The following MAST2 variants were observed in gnomAD, a reference collection of about 807,000 sequenced individuals.
The protein encoded by MAST2 is microtubule associated serine/threonine kinase 2.
In MAST2, 70 loss-of-function variants were observed where a neutral mutation model predicts 147.4. That is an observed-to-expected ratio of 0.47 (90% CI 0.39 to 0.58). The LOEUF (loss-of-function observed/expected upper bound fraction) is 0.58. Ranked by LOEUF, MAST2 falls within the 20% of genes least tolerant of loss-of-function variation. MAST2 has a pLI of 0.00. For synonymous variants in MAST2, 869 were observed against 896.8 expected, an observed-to-expected ratio of 0.97 and a Z score of 0.55; for missense variants, 2,080 against 2,302.3, an observed-to-expected ratio of 0.90 and a Z score of 1.98.
chr1:45,851,547 C>T (rs61783205), intron 3 of MAST2, among the ~76,000 whole-genome samples: 8,157 of 152,206 alleles, frequency 0.054, 318 homozygotes, highest in Middle Eastern at 0.085. Flanking sequence ...TGTTCCAGTT[C>T]TCAAGAGGAA....
intron 6 of MAST2, among the ~76,000 whole-genome samples, chr1:45,999,437 C>G (rs149356581): frequency 2.0e-5 from 3 of 152,158 alleles, no homozygotes; most frequent in African/African-American, 4.8e-5. Context: ...AGAGTAGGTA[C>G]GAGCTGGGAC....
intron 4 of MAST2, among the ~76,000 whole-genome samples, chr1:45,926,783 A>G (rs1399385167): frequency 6.6e-6 from 1 of 152,108 alleles, no homozygotes; most frequent in Non-Finnish European, 1.5e-5. Context: ...AGGTAAAATA[A>G]TGAAGACTAG....
At chr1:45,884,656 G>A (rs1647002942) in intron 4 of MAST2, among the ~76,000 whole-genome samples, 1 of 152,152 alleles carries the variant, frequency 6.6e-6, no homozygotes, top group South Asian at 2.1e-4. Flanking sequence ...CTCTTTTGAA[G>A]AGCTTACACT....
At chr1:46,033,700 G>C in intron 26 of MAST2, 102 bp from the exon 27 acceptor site, 1 of 1,451,224 alleles carries the variant, frequency 6.9e-7, no homozygotes, top group South Asian at 1.3e-5. Context: ...GGGACAAAAA[G>C]CTGGAGCTGT....
chr1:45,917,466 A>G (rs1652737511), intron 4 of MAST2: 2 of 1,366,420 alleles, frequency 1.5e-6, no homozygotes, highest in African/African-American at 1.5e-5. Context: ...TCCTCTTGCC[A>G]TTTTCCTGAA....
chr1:45,997,611 G>T, intron 5 of MAST2, 113 bp from the exon 6 acceptor site: 1 of 771,750 alleles, frequency 1.3e-6, no homozygotes, highest in Admixed American at 2.0e-5. Flanking sequence ...TAGTGGCCCT[G>T]AGAAAATAAC....
intron 4 of MAST2, among the ~76,000 whole-genome samples, chr1:45,952,764 A>G (rs1659113078): frequency 6.6e-6 from 1 of 152,174 alleles, no homozygotes; most frequent in Non-Finnish European, 1.5e-5. Context: ...GTGACCAAAA[A>G]AAGCCATTTT....
chr1:46,034,823 G>T lies in MAST2; in HGVS notation c.4154G>T (p.Gly1385Val). Residue 1385 changes from glycine (G) to valine (V), a missense_variant, in exon 29 of 29, where the codon GGC (glycine) becomes GTC (valine). Around this residue, in one of 4 missense-constraint regions of MAST2, gnomAD observed 1,278 missense variants for 1,304.2 expected, o/e 0.98. Transcript: ENST00000361297. ...PTKLHLSPPL[G>V]RQLSRPKSAE... ...AAGCTTCACTTGTCACCTCCCCTGG[G>T]CAGGCAACTCTCACGGCCCAAGAGT... 6.2e-7 allele frequency: 1 copy of T among 1,614,152 alleles called. No homozygotes were observed. Among genetic ancestry groups the T allele is most frequent in the Non-Finnish European group, 8.5e-7 (1 of 1,180,022 alleles).
At chr1:45,994,527 T>A (rs1166748088) in intron 5 of MAST2, among the ~76,000 whole-genome samples, 1 of 152,014 alleles carries the variant, frequency 6.6e-6, no homozygotes, top group Non-Finnish European at 1.5e-5. Flanking sequence ...CCTCAGGCGA[T>A]CTGCCTGCCT....
chr1:45,977,725 A>T (rs1571030845), intron 5 of MAST2, among the ~76,000 whole-genome samples: 1 of 149,886 alleles, frequency 6.7e-6, no homozygotes, highest in African/African-American at 2.5e-5. Flanking sequence ...GCTTGAACCC[A>T]GGAGGCGGAG....
At chr1:45,975,362 C>A (rs1199143430) in intron 5 of MAST2, among the ~76,000 whole-genome samples, 1 of 151,762 alleles carries the variant, frequency 6.6e-6, no homozygotes, top group Non-Finnish European at 1.5e-5. Context: ...ATTAACAGTC[C>A]ACAGCATTAT....
In MAST2 at chr1:45,917,952, T is replaced by C. The variant is rs188350141; in HGVS notation, c.500+35557T>C. Among the ~76,000 whole-genome samples the C allele has an allele frequency of 2.2e-3, 333 of 152,332 alleles. 2 individuals carry two copies. Among genetic ancestry groups the C allele is most frequent in the African/African-American group, 7.8e-3 (325 of 41,574 alleles). On this transcript the variant is annotated intron_variant, in intron 4 of 28. Transcript: ENST00000361297. Reference sequence around the variant, plus strand: ...GCCCTTCTCCCATTTCTTTCTGTCTTCCTTTTCTTATATTCAACATTATTT... The same window carrying C: ...GCCCTTCTCCCATTTCTTTCTGTCTCCCTTTTCTTATATTCAACATTATTT...
intron 3 of MAST2, among the ~76,000 whole-genome samples, chr1:45,841,509 A>G (rs941924521): frequency 6.6e-6 from 1 of 151,934 alleles, no homozygotes; most frequent in Non-Finnish European, 1.5e-5. Context: ...TATTCCTTAT[A>G]TATGTAGCTG....
chr1:45,858,175 G>A (rs1302322854), intron 3 of MAST2, among the ~76,000 whole-genome samples: 2 of 152,104 alleles, frequency 1.3e-5, no homozygotes, highest in Non-Finnish European at 2.9e-5. Flanking sequence ...CTGCATCCTT[G>A]AGGAATTGCC....
chr1:45,843,519 G>A (rs557000882), intron 3 of MAST2, among the ~76,000 whole-genome samples: 22 of 152,264 alleles, frequency 1.4e-4, no homozygotes, highest in Non-Finnish European at 2.8e-4. Context: ...AGAGTTAGAT[G>A]TCCAGAGTAA....
intron 4 of MAST2, among the ~76,000 whole-genome samples, chr1:45,937,594 A>G (rs1656442468): frequency 6.6e-6 from 1 of 151,952 alleles, no homozygotes; most frequent in Non-Finnish European, 1.5e-5. Flanking sequence ...TACTAAAAAT[A>G]CAAAAAAATT....
chr1:46,025,318 C>CAA (rs56091471), intron 15 of MAST2, among the ~76,000 whole-genome samples: 2 of 151,714 alleles, frequency 1.3e-5, no homozygotes, highest in Non-Finnish European at 2.9e-5. Context: ...GACTTTGCCT[C>CAA]AAAAAAATAA....
chr1:45,925,261 G>C (rs549774347), intron 4 of MAST2, among the ~76,000 whole-genome samples: 1 of 152,190 alleles, frequency 6.6e-6, no homozygotes, highest in Non-Finnish European at 1.5e-5. Context: ...AATACATTGC[G>C]TTTTATGCCT....
intron 4 of MAST2, among the ~76,000 whole-genome samples, chr1:45,950,054 T>C (rs1658703798): frequency 1.3e-5 from 2 of 151,824 alleles, no homozygotes; most frequent in South Asian, 4.2e-4. Context: ...ACAACAGACA[T>C]TGAGGTCTAC....
Sources: allele counts gnomAD v4.1 joint callset (sites outside exome capture counted in the v4.1 genomes callset), GRCh38; gene constraint gnomAD v4.1.1; regional missense constraint gnomAD v4.1.1; transcripts MANE v1.5; gene names NCBI Gene and HGNC (gene_info 2026-07-23, HGNC 2026-07-21).